OLFML2A: variants seen among roughly 807,000 people sequenced by gnomAD.
OLFML2A encodes olfactomedin like 2A.
A neutral mutation model predicts 60.9 loss-of-function variants in OLFML2A; 47 were observed. The ratio of observed to expected loss-of-function variants is 0.77; its 90% CI spans 0.61 to 0.98. The LOEUF (loss-of-function observed/expected upper bound fraction) is 0.98, where lower values mean the gene tolerates loss of function less well. Among genes scored for constraint, OLFML2A ranks in the 50% least tolerant of loss-of-function variants. The probability of loss-of-function intolerance (pLI) is 0.00; values close to 1 mark genes in which losing one functional copy is unlikely to be tolerated. For synonymous variants in OLFML2A, 372 were observed against 375.0 expected, an observed-to-expected ratio of 0.99 and a Z score of 0.09; for missense variants, 922 against 879.8, an observed-to-expected ratio of 1.05 and a Z score of -0.61.
chr9:124,791,717 G>A (rs1230803209), intron 2 of OLFML2A, among the ~76,000 whole-genome samples: 1 of 129,750 alleles, frequency 7.7e-6, no homozygotes, highest in Non-Finnish European at 1.6e-5. Flanking sequence ...CAGCCTGGGC[G>A]ACAGAGCGAG....
chr9:124,790,505 G>A (rs1403580809), intron 2 of OLFML2A, among the ~76,000 whole-genome samples: 1 of 152,106 alleles, frequency 6.6e-6, no homozygotes, highest in East Asian at 1.9e-4. Flanking sequence ...TTTGTCCCCT[G>A]CCCACTGAAG....
Position 124,795,096 on chromosome 9 carries a change from C to G in OLFML2A, c.427C>G (p.His143Asp), listed in dbSNP as rs1318724127. The change falls in exon 3 of 8, where the codon CAC becomes GAC. Residue 143 changes from histidine to aspartate, a missense_variant. Coordinates refer to ENST00000373580, the MANE Select transcript of OLFML2A (RefSeq NM_182487.4). ...MDLMKVHAYV[H>D]KVASQMNTLE... ...CTTGATGAAGGTGCACGCCTACGTC[C>G]ACAAGGTGGCCTCCCAGATGAACAC... The G allele has an allele frequency of 6.2e-7, 1 of 1,606,634 alleles. No individual in the cohort carries two copies. The highest frequency in any genetic ancestry group is 1.3e-5 in the African/African-American group (1 of 74,858).
chr9:124,799,817 C>T (rs1841740736), intron 4 of OLFML2A, among the ~76,000 whole-genome samples: 2 of 152,160 alleles, frequency 1.3e-5, no homozygotes, highest in Non-Finnish European at 2.9e-5. Context: ...CCTGCCTGGC[C>T]CTCAGAGACC....
rs1258902203 is a variant in OLFML2A, at chr9:124,810,073, C to T, written c.1620C>T (p.Arg540=). ...TCATCTACCCCGCCGTGGACGACCG[C>T]GATGAGGCCCAGCCCGAGGTGATCG... The part of the protein sequence containing the change: ...LWVIYPAVDD[R]DEAQPEVIVL... The change falls in exon 8 of 8, where the codon CGC becomes CGT. Residue 540 remains arginine (R), a synonymous_variant. Coordinates refer to ENST00000373580, the MANE Select transcript of OLFML2A (RefSeq NM_182487.4). 1.2e-6 allele frequency: 2 copies of T among 1,613,886 alleles called. No individual in the cohort carries two copies. The highest frequency in any genetic ancestry group is 1.7e-6 in the Non-Finnish European group (2 of 1,180,012).
intron 3 of OLFML2A, among the ~76,000 whole-genome samples, chr9:124,796,122 T>C (rs1841666456): frequency 6.6e-6 from 1 of 152,194 alleles, no homozygotes. Context: ...CAGCTTCCTT[T>C]ACAGAGGGAG....
At chr9:124,788,760 G>A (rs1841525270) in intron 2 of OLFML2A, among the ~76,000 whole-genome samples, 1 of 152,132 alleles carries the variant, frequency 6.6e-6, no homozygotes, top group Non-Finnish European at 1.5e-5. Context: ...AGTCCCCACA[G>A]CCAGTGAGCA....
chr9:124,778,474 G>GATCCT, intron 1 of OLFML2A, among the ~76,000 whole-genome samples: 1 of 152,102 alleles, frequency 6.6e-6, no homozygotes, highest in South Asian at 2.1e-4. Context: ...AGCACTTTGG[G>GATCCT]AGGCCAAGGC....
At position 124,789,663 on chromosome 9, in the gene OLFML2A, A is replaced by G. The variant is rs146666936; in HGVS notation, c.354+2425A>G. 1.2e-3 allele frequency among the ~76,000 whole-genome samples: 189 copies of G among 152,344 alleles called. 1 individual carries two copies. The highest frequency in any genetic ancestry group is 4.3e-3 in the African/African-American group (178 of 41,590). ...AGAGACAGTCAGTGCCTCTGCACGC[A>G]AGTCATGCAGAAAAGCAAGAGATCT... is the stretch of plus-strand genomic sequence containing the variant. On this transcript the variant is annotated intron_variant, in intron 2 of 7. Coordinates refer to ENST00000373580, the MANE Select transcript of OLFML2A (RefSeq NM_182487.4).
chr9:124,793,394 G>T (rs1012112632), intron 2 of OLFML2A, among the ~76,000 whole-genome samples: 2 of 152,218 alleles, frequency 1.3e-5, no homozygotes, highest in Non-Finnish European at 2.9e-5. Context: ...GCTGCTCCAG[G>T]TCCTGCTGCT....
rs757131397 is a variant in OLFML2A, at chr9:124,777,292, C to T, written c.22C>T (p.Pro8Ser). 2 of 1,265,218 alleles carry T rather than the reference C, an allele frequency of 1.6e-6. No homozygotes were observed. The highest frequency in any genetic ancestry group is 3.0e-4 in the Middle Eastern group (1 of 3,340). 78.4% of individuals were successfully genotyped at this position (1,265,218 alleles called of 1,614,324 possible). MAAAALP[P>S]RPLLLLPLVL... ...CGCCATGGCCGCTGCCGCCCTCCCG[C>T]CCCGGCCGCTGCTCCTTCTGCCGCT... The change falls in exon 1 of 8, where the codon CCC becomes TCC. Residue 8 changes from proline to serine, a missense_variant. By Grantham distance (74) the Pro-to-Ser change is moderately conservative. Coordinates refer to ENST00000373580, the MANE Select transcript of OLFML2A (RefSeq NM_182487.4). The surrounding 1 kb of genome is among the most constrained non-coding windows in gnomAD (Gnocchi z 6.2).
chr9:124,791,885 T>G (rs1841575287), intron 2 of OLFML2A, among the ~76,000 whole-genome samples: 1 of 152,222 alleles, frequency 6.6e-6, no homozygotes, highest in Non-Finnish European at 1.5e-5. Flanking sequence ...TCCCATTTTC[T>G]GTAATGACTG....
chr9:124,786,698 G>T (rs2131247770), intron 1 of OLFML2A, among the ~76,000 whole-genome samples: 1 of 151,138 alleles, frequency 6.6e-6, no homozygotes, highest in South Asian at 2.1e-4. Context: ...TCCAGCCTGG[G>T]CGACAGAGCA....
At chr9:124,780,916 T>G (rs1400917752) in intron 1 of OLFML2A, among the ~76,000 whole-genome samples, 3 of 152,186 alleles carry the variant, frequency 2.0e-5, no homozygotes, top group Non-Finnish European at 4.4e-5. Context: ...AGTTGGAGCC[T>G]TGGAGCCTCT....
In OLFML2A at chr9:124,810,071, C is replaced by T. The variant is rs776051451; in HGVS notation, c.1618C>T (p.Arg540Cys). 4 of 1,613,858 alleles carry T rather than the reference C, an allele frequency of 2.5e-6. No individual in the cohort carries two copies. The highest frequency in any genetic ancestry group is 1.1e-5 in the South Asian group (1 of 91,078). Reference protein sequence around the residue: ...LWVIYPAVDDRDEAQPEVIVL... With the variant: ...LWVIYPAVDDCDEAQPEVIVL... ...GGTCATCTACCCCGCCGTGGACGAC[C>T]GCGATGAGGCCCAGCCCGAGGTGAT... The change falls in exon 8 of 8, where the codon CGC becomes TGC. Residue 540 changes from arginine to cysteine, a missense_variant. Coordinates refer to ENST00000373580, the MANE Select transcript of OLFML2A (RefSeq NM_182487.4).
chr9:124,795,243 A>G (rs1841648078), intron 3 of OLFML2A, 112 bp downstream of exon 3: 2 of 608,610 alleles, frequency 3.3e-6, no homozygotes, highest in Admixed American at 5.3e-5. Flanking sequence ...ATGGGAAGCC[A>G]GACTCCAGCC....
At chr9:124,786,797 C>CACAGAG (rs1199279538) in intron 1 of OLFML2A, among the ~76,000 whole-genome samples, 178 bp from the exon 2 acceptor site, 9 of 123,774 alleles carry the variant, frequency 7.3e-5, no homozygotes, top group African/African-American at 2.7e-4. Context: ...CACACACACA[C>CACAGAG]AGAGTTGTTA....
At chr9:124,792,341 C>T (rs1466111399) in intron 2 of OLFML2A, among the ~76,000 whole-genome samples, 1 of 152,134 alleles carries the variant, frequency 6.6e-6, no homozygotes, top group Non-Finnish European at 1.5e-5. Context: ...ATCTAGGCTC[C>T]TGTGTGTCAC....
chr9:124,785,351 A>G (rs1318023518), intron 1 of OLFML2A, among the ~76,000 whole-genome samples: 2 of 141,878 alleles, frequency 1.4e-5, no homozygotes, highest in East Asian at 4.2e-4. Flanking sequence ...TGCTATGGAC[A>G]TTCACTTCCA....
rs893822216 is a variant in OLFML2A, at chr9:124,801,477, G to A, written c.733G>A (p.Asp245Asn). The stretch of plus-strand genomic sequence containing the variant: ...TGGCAGTGTGCAGAAAAGCTTTGCA[G>A]ACAGAGGCCTCCCAAAACCTCCCAA... The part of the protein sequence containing the change: ...KYGSVQKSFA[D>N]RGLPKPPKEK... The change falls in exon 5 of 8, where the codon GAC (aspartate) becomes AAC (asparagine). Residue 245 changes from aspartate (D) to asparagine (N), a missense_variant. Coordinates refer to ENST00000373580, the MANE Select transcript of OLFML2A (RefSeq NM_182487.4). The A allele has an allele frequency of 1.9e-6, 3 of 1,614,042 alleles. No individual in the cohort carries two copies. Among genetic ancestry groups the A allele is most frequent in the African/African-American group, 2.7e-5 (2 of 74,910 alleles).
Sources: allele counts gnomAD v4.1 joint callset (sites outside exome capture counted in the v4.1 genomes callset), GRCh38; gene constraint gnomAD v4.1.1; non-coding constraint Gnocchi (gnomAD v3.1); transcripts MANE v1.5; gene names NCBI Gene and HGNC (gene_info 2026-07-23, HGNC 2026-07-21).